The following ADAM28 variants were observed in gnomAD, a reference collection of about 807,000 sequenced individuals.
ADAM28 encodes the protein disintegrin and metalloproteinase domain-containing protein 28.
ADAM28 carries 105 observed loss-of-function variants against 101.2 expected under a neutral mutation model. The observed-to-expected ratio is 1.04, with a 90% CI of 0.89 to 1.22. The LOEUF is 1.22. Ranked by LOEUF, ADAM28 falls within the 50% of genes most tolerant of loss-of-function variation. The pLI, the probability that ADAM28 is intolerant of heterozygous loss-of-function variation, is 0.00. For missense variants in ADAM28, 1,028 were observed against 945.4 expected (o/e 1.09, Z -1.15); for synonymous variants, 322 against 310.6 (o/e 1.04, Z -0.39).
Position 24,301,044 on chromosome 8 carries a change from T to C in ADAM28, c.150+967T>C, listed in dbSNP as rs1039172440. 2.6e-5 allele frequency: 4 copies of C among 152,220 alleles called. No individual in the cohort carries two copies. The South Asian group carries it at 8.3e-4, about 31-fold the overall frequency. 9.4% of individuals were successfully genotyped at this position (152,220 alleles called of 1,614,324 possible). ...CAATTATAACAATGTTATAATTACC[T>C]GCACTCTTAAGTCTTCTTCTGGGAG... On this transcript the variant is annotated intron_variant, in intron 2 of 22. Coordinates refer to ENST00000265769, the MANE Select transcript of ADAM28 (RefSeq NM_014265.6).
chr8:24,350,877 T>C (rs200261923), intron 19 of ADAM28, among the ~76,000 whole-genome samples: 1 of 139,160 alleles, frequency 7.2e-6, no homozygotes, highest in African/African-American at 2.8e-5. Context: ...TTTTTTTTTT[T>C]TTTTTTTTTT....
chr8:24,308,783 A>C, intron 2 of ADAM28: 1 of 445,902 alleles, frequency 2.2e-6, no homozygotes, highest in Non-Finnish European at 4.5e-6. Flanking sequence ...GGACTGTAAG[A>C]ATTGACTTTG....
At chr8:24,350,221 C>G (rs1815922295) in intron 19 of ADAM28, among the ~76,000 whole-genome samples, 1 of 152,010 alleles carries the variant, frequency 6.6e-6, no homozygotes, top group Non-Finnish European at 1.5e-5. Flanking sequence ...GATATTAACT[C>G]TCATTATGAC....
Position 24,294,137 on chromosome 8 carries a change from G to T in ADAM28, c.-13G>T. The T allele has an allele frequency of 6.2e-7, 1 of 1,614,028 alleles. No homozygotes were observed. Among genetic ancestry groups the T allele is most frequent in the Non-Finnish European group, 8.5e-7 (1 of 1,179,960 alleles). Reference sequence around the variant, plus strand: ...CGAGAAGAGCAGACACCGTGCTCCTGGAATCACCCAGCATGTTGCAAGGTC... The same window carrying T: ...CGAGAAGAGCAGACACCGTGCTCCTTGAATCACCCAGCATGTTGCAAGGTC... On this transcript the variant is annotated 5_prime_UTR_variant, in exon 1 of 23. Coordinates refer to ENST00000265769, the MANE Select transcript of ADAM28 (RefSeq NM_014265.6).
intron 2 of ADAM28, among the ~76,000 whole-genome samples, chr8:24,303,632 G>C (rs918400024): frequency 2.0e-5 from 3 of 152,046 alleles, no homozygotes; most frequent in African/African-American, 7.2e-5. Flanking sequence ...AGGCTCTTTT[G>C]TGGTTTCATA....
intron 2 of ADAM28, chr8:24,308,564 G>T (rs1563273213): frequency 1.3e-5 from 6 of 452,856 alleles, no homozygotes; most frequent in Non-Finnish European, 2.7e-5. Flanking sequence ...TTCTAGCTAG[G>T]CTTTCTTAAT....
intron 11 of ADAM28, among the ~76,000 whole-genome samples, chr8:24,330,870 A>G (rs528886644): frequency 1.3e-5 from 2 of 152,256 alleles, no homozygotes; most frequent in African/African-American, 4.8e-5. Context: ...AGGTCTTTAC[A>G]TCTCCCAGAT....
Position 24,313,505 on chromosome 8 carries a change from C to A in ADAM28, c.501C>A (p.Ser167Arg), listed in dbSNP as rs1007325101. The A allele has an allele frequency of 3.3e-5, 54 of 1,613,902 alleles. No homozygotes were observed. The highest frequency in any genetic ancestry group is 4.5e-5 in the Non-Finnish European group (53 of 1,179,868). The change falls in exon 6 of 23, where the codon AGC (serine) becomes AGA (arginine). Residue 167 changes from serine to arginine, a missense_variant. By Grantham distance (110) the Ser-to-Arg change is moderately radical. Transcript: ENST00000265769. ...KYNPDEKNYD[S>R]TCGMDGVLWA... is the part of the protein sequence containing the mutation. ...ACCCTGATGAAAAGAATTATGACAG[C>A]ACCTGTGGGATGGATGGTGTGTTGT...
intron 11 of ADAM28, 94 bp from the exon 12 acceptor site, chr8:24,331,056 G>C: frequency 2.4e-6 from 3 of 1,258,294 alleles, no homozygotes; most frequent in Non-Finnish European, 3.2e-6. Flanking sequence ...GTCTTTTGGG[G>C]CAGGCCGTGG....
chr8:24,299,187 GT>G (rs1486966182), intron 1 of ADAM28, among the ~76,000 whole-genome samples: 4 of 152,136 alleles, frequency 2.6e-5, no homozygotes, highest in African/African-American at 9.7e-5. Context: ...GTGAGACATT[GT>G]CTCAAAATAC....
chr8:24,308,754 G>T, intron 2 of ADAM28: 1 of 454,998 alleles, frequency 2.2e-6, no homozygotes, highest in South Asian at 1.6e-5. Flanking sequence ...CTCAACAACT[G>T]AGGATTTAAG....
intron 2 of ADAM28, among the ~76,000 whole-genome samples, chr8:24,307,120 G>A (rs1809802534): frequency 6.6e-6 from 1 of 152,126 alleles, no homozygotes; most frequent in African/African-American, 2.4e-5. Flanking sequence ...GAGACTATGG[G>A]TCTTCCCTGT....
At chr8:24,353,884 G>A (rs766624468) in intron 22 of ADAM28, 52 bp downstream of exon 22, 1 of 1,251,680 alleles carries the variant, frequency 8.0e-7, no homozygotes, top group East Asian at 2.4e-5. Context: ...ATCTCCTACT[G>A]TCAAGAGAAG....
intron 2 of ADAM28, among the ~76,000 whole-genome samples, chr8:24,301,138 G>A (rs1289119177): frequency 2.0e-5 from 3 of 152,052 alleles, no homozygotes; most frequent in Non-Finnish European, 2.9e-5. Flanking sequence ...CAGCACACTC[G>A]GTGCACATAT....
At chr8:24,324,571 T>C (rs1175200090) in intron 9 of ADAM28, among the ~76,000 whole-genome samples, 1 of 152,000 alleles carries the variant, frequency 6.6e-6, no homozygotes, top group Non-Finnish European at 1.5e-5. Flanking sequence ...GAGAGGCTAT[T>C]ACCTAAGAAA....
chr8:24,325,623 A>C, intron 9 of ADAM28, among the ~76,000 whole-genome samples: 1 of 151,794 alleles, frequency 6.6e-6, no homozygotes, highest in East Asian at 1.9e-4. Context: ...ATAATGTAAA[A>C]TATATTTTCA....
chr8:24,315,520 A>G (rs373871261), intron 6 of ADAM28, among the ~76,000 whole-genome samples: 33 of 152,164 alleles, frequency 2.2e-4, no homozygotes, highest in African/African-American at 7.7e-4. Flanking sequence ...AGTAATTAAA[A>G]ATCTTTCAAC....
chr8:24,319,342 C>T (rs1811569089), intron 6 of ADAM28, among the ~76,000 whole-genome samples: 1 of 151,936 alleles, frequency 6.6e-6, no homozygotes, highest in Admixed American at 6.6e-5. Context: ...TAGTACTGGC[C>T]ACCATCTGAT....
In ADAM28 at chr8:24,299,189, C is replaced by G. The variant is rs1185010160; in HGVS notation, c.47-785C>G. Among the ~76,000 whole-genome samples the G allele has an allele frequency of 2.0e-5, 3 of 152,066 alleles. No homozygotes were observed. The East Asian group carries it at 5.8e-4, about 29-fold the overall frequency. Reference sequence around the variant, plus strand: ...GCTTGGTGACAGAGTGAGACATTGTCTCAAAATACAATAAAACAAAATGAC... The same window carrying G: ...GCTTGGTGACAGAGTGAGACATTGTGTCAAAATACAATAAAACAAAATGAC... On this transcript the variant is annotated intron_variant, in intron 1 of 22. Coordinates refer to ENST00000265769, the MANE Select transcript of ADAM28 (RefSeq NM_014265.6).
Sources: allele counts gnomAD v4.1 joint callset (sites outside exome capture counted in the v4.1 genomes callset), GRCh38; gene constraint gnomAD v4.1.1; transcripts MANE v1.5; gene names NCBI Gene and HGNC (gene_info 2026-07-23, HGNC 2026-07-21).